The following SOS1 variants were observed in gnomAD, a reference collection of about 807,000 sequenced individuals.
SOS1 encodes the protein son of sevenless homolog 1.
Under a neutral mutation model 157.6 loss-of-function variants are expected in SOS1, and 25 were observed. That is an observed-to-expected ratio of 0.16 (90% CI 0.12 to 0.22). The LOEUF (loss-of-function observed/expected upper bound fraction) is 0.22, where lower values mean the gene tolerates loss of function less well. Ranked by LOEUF, SOS1 falls within the 10% of genes least tolerant of loss-of-function variation. The pLI is 1.00. For missense variants in SOS1, 1,237 were observed against 1,599.1 expected (o/e 0.77, Z 3.86); for synonymous variants, 528 against 534.0 (o/e 0.99, Z 0.16).
At chr2:39,022,446 G>C in intron 10 of SOS1, 124 bp downstream of exon 10, 2 of 730,382 alleles carry the variant, frequency 2.7e-6, no homozygotes, top group Non-Finnish European at 4.7e-6. Context: ...GGTATTTTTA[G>C]TCAAAGAAAA....
At chr2:39,010,895 A>T (rs1669443445) in intron 14 of SOS1, among the ~76,000 whole-genome samples, 192 bp from the exon 15 acceptor site, 1 of 40,602 alleles carries the variant, frequency 2.5e-5, no homozygotes. Flanking sequence ...TTTTTTTTAA[A>T]CTTTTTTTTT....
rs143611337 is a variant in SOS1 at position 39,010,880 on chromosome 2, A to T, written c.2391-177T>A. ...AAAGTGTAATTATGCATATTTCCTTATGGATTTTTTTTAAACTTTTTTTTT... is the reference window on the plus strand; with the variant it reads ...AAAGTGTAATTATGCATATTTCCTTTTGGATTTTTTTTAAACTTTTTTTTT... On this transcript the variant is annotated intron_variant, in intron 14 of 22. Coordinates refer to ENST00000402219, the MANE Select transcript of SOS1 (RefSeq NM_005633.4). Among the ~76,000 whole-genome samples the T allele has an allele frequency of 6.4e-3, 940 of 145,828 alleles. 12 individuals carry two copies. Among genetic ancestry groups the T allele is most frequent in the African/African-American group, 0.023 (902 of 39,376 alleles).
intron 6 of SOS1, among the ~76,000 whole-genome samples, chr2:39,038,987 CTTATTAT>C (rs1338722861): frequency 2.6e-5 from 4 of 151,962 alleles, no homozygotes; most frequent in African/African-American, 9.7e-5. Flanking sequence ...CCCATTGTTG[CTTATTAT>C]TTAAACTGCC....
chr2:39,036,579 G>C (rs1188277232), intron 6 of SOS1, among the ~76,000 whole-genome samples: 1 of 146,396 alleles, frequency 6.8e-6, no homozygotes, highest in Non-Finnish European at 1.5e-5. Flanking sequence ...GTCGTTTTTT[G>C]TTTTTTCTTT....
chr2:39,080,900 G>C lies in SOS1; in HGVS notation c.88-13147C>G, dbSNP rs551173938. 1.1e-4 allele frequency among the ~76,000 whole-genome samples: 17 copies of C among 152,204 alleles called. No homozygotes were observed. In the East Asian group the frequency reaches 3.3e-3, roughly 29 times the overall value. Reference sequence around the variant, plus strand: ...AAATACAACCTACAAAATAATTTTTGTAAGGCCAGGAACAGTGGCTCATGC... The same window carrying C: ...AAATACAACCTACAAAATAATTTTTCTAAGGCCAGGAACAGTGGCTCATGC... On this transcript the variant is annotated intron_variant, in intron 1 of 22. Coordinates refer to ENST00000402219, the MANE Select transcript of SOS1 (RefSeq NM_005633.4).
chr2:39,054,500 C>A, intron 5 of SOS1, 114 bp downstream of exon 5: 1 of 672,796 alleles, frequency 1.5e-6, no homozygotes, highest in Non-Finnish European at 2.6e-6. Context: ...TTAAGTCCCA[C>A]AACTTAAAAA....
At chr2:39,009,731 A>T (rs1669398812) in intron 15 of SOS1, among the ~76,000 whole-genome samples, 1 of 152,186 alleles carries the variant, frequency 6.6e-6, no homozygotes, top group Non-Finnish European at 1.5e-5. Flanking sequence ...TATGTATTAC[A>T]GTACCACAAA....
chr2:39,059,982 CA>C (rs1408539022), intron 2 of SOS1, among the ~76,000 whole-genome samples: 1 of 152,108 alleles, frequency 6.6e-6, no homozygotes, highest in African/African-American at 2.4e-5. Context: ...ACACCAGCCT[CA>C]TGCAGTAAAA....
chr2:39,090,195 A>G (rs1672540853), intron 1 of SOS1, among the ~76,000 whole-genome samples: 1 of 151,858 alleles, frequency 6.6e-6, no homozygotes, highest in Admixed American at 6.6e-5. Context: ...ACTACTAAAT[A>G]GCAAATAATT....
rs1246824944 is a variant in SOS1 at position 39,120,979 on chromosome 2, G to GGCC, written c.-560_-558dup. 17 of 176,396 alleles carry GGCC rather than the reference G, an allele frequency of 9.6e-5. No individual in the cohort carries two copies. The highest frequency in any genetic ancestry group is 2.4e-4 in the African/African-American group (10 of 41,758). The allele number at this position is 176,396 out of a possible 1,614,324, so 10.9% of individuals were successfully genotyped here. On this transcript the variant is annotated 5_prime_UTR_variant, in exon 1 of 23. Coordinates refer to ENST00000402219, the MANE Select transcript of SOS1 (RefSeq NM_005633.4). ...TCTGGCTGCCCTGAGGTGCCGCCGC[G>GGCC]GCCGCCGCCGCCACCGCCGCCGCCG...
intron 1 of SOS1, among the ~76,000 whole-genome samples, chr2:39,089,351 T>C (rs542055650): frequency 4.0e-5 from 6 of 151,622 alleles, no homozygotes; most frequent in Non-Finnish European, 8.8e-5. Context: ...GCCAACATGG[T>C]GAAATCCCAT....
Position 38,985,775 on chromosome 2 carries a change from C to T in SOS1, c.*49G>A, listed in dbSNP as rs114661404. On this transcript the variant is annotated 3_prime_UTR_variant, in exon 23 of 23. Transcript: ENST00000402219. ...CTGGCACATTCAGTGCATCCATTGC[C>T]AGCAATGGATTTGGGGCTAGGAAAA... 658 of 1,604,506 alleles carry T rather than the reference C, an allele frequency of 4.1e-4. 4 individuals are homozygous for T. The African/African-American group carries it at 8.2e-3, about 20-fold the overall frequency.
At position 38,984,172 on chromosome 2, in the gene SOS1, T is replaced by A. The variant is rs183111109; in HGVS notation, c.*1652A>T. ...TGTGGTTAACAGAATTGCTGAAATGTTGCTTCATTATTCAGAGGATACATG... is the reference window on the plus strand; with the variant it reads ...TGTGGTTAACAGAATTGCTGAAATGATGCTTCATTATTCAGAGGATACATG... On this transcript the variant is annotated 3_prime_UTR_variant, in exon 23 of 23. Transcript: ENST00000402219. 6.6e-6 allele frequency: 1 copy of A among 151,868 alleles called. No individual in the cohort carries two copies. Among genetic ancestry groups the A allele is most frequent in the African/African-American group, 2.4e-5 (1 of 41,324 alleles). 9.4% of individuals were successfully genotyped at this position (151,868 alleles called of 1,614,324 possible).
At chr2:39,071,294 T>C (rs1176493298) in intron 1 of SOS1, among the ~76,000 whole-genome samples, 1 of 152,214 alleles carries the variant, frequency 6.6e-6, no homozygotes, top group Non-Finnish European at 1.5e-5. Flanking sequence ...CTGTTGAACC[T>C]GGAGGAATCT....
intron 1 of SOS1, among the ~76,000 whole-genome samples, chr2:39,088,716 T>C (rs1012578890): frequency 6.6e-6 from 1 of 152,224 alleles, no homozygotes; most frequent in Non-Finnish European, 1.5e-5. Context: ...CATTTATCTA[T>C]TCATCTGGTA....
At position 38,995,057 on chromosome 2, in the gene SOS1, C is replaced by CT. The variant is rs1208321725; in HGVS notation, c.3346+65dup. 5.1e-6 allele frequency: 7 copies of CT among 1,363,880 alleles called. No individual in the cohort carries two copies. In the African/African-American group the frequency reaches 8.6e-5, roughly 17 times the overall value. The allele number at this position is 1,363,880 out of a possible 1,614,324, so 84.5% of individuals were successfully genotyped here. A position where few individuals can be genotyped will look rare whatever the true frequency, so the allele number is the denominator to read the frequency against. On this transcript the variant is annotated intron_variant, in intron 20 of 22. Coordinates refer to ENST00000402219, the MANE Select transcript of SOS1 (RefSeq NM_005633.4). ...CACATACAAAAAAATAACAGAGATT[C>CT]TTTTTTACCTCTAGCATGTATAGTA...
intron 15 of SOS1, chr2:39,007,572 T>G (rs1421156901): frequency 5.5e-6 from 1 of 180,282 alleles, no homozygotes; most frequent in African/African-American, 2.4e-5. Flanking sequence ...TTCATCTAAT[T>G]GCAAGATTTT....
At chr2:39,101,444 A>C (rs1672964020) in intron 1 of SOS1, among the ~76,000 whole-genome samples, 1 of 152,172 alleles carries the variant, frequency 6.6e-6, no homozygotes, top group Non-Finnish European at 1.5e-5. Context: ...TTATGCCTAG[A>C]TCAACTGTTG....
chr2:39,077,994 T>C lies in SOS1; in HGVS notation c.88-10241A>G, dbSNP rs145014233. ...TGCTTAATCAACATATCACAAAAAG[T>C]GGAAAGATAAGTCACACACTGGGAC... On this transcript the variant is annotated intron_variant, in intron 1 of 22. Coordinates refer to ENST00000402219, the MANE Select transcript of SOS1 (RefSeq NM_005633.4). 5.3e-5 allele frequency among the ~76,000 whole-genome samples: 8 copies of C among 152,194 alleles called. No homozygotes were observed. The East Asian group carries it at 1.5e-3, about 29-fold the overall frequency.
Sources: allele counts gnomAD v4.1 joint callset (sites outside exome capture counted in the v4.1 genomes callset), GRCh38; gene constraint gnomAD v4.1.1; transcripts MANE v1.5; gene names NCBI Gene and HGNC (gene_info 2026-07-23, HGNC 2026-07-21).